Variants in ECT2L observed in about 807,000 individuals in gnomAD.
The protein encoded by ECT2L is epithelial cell transforming 2 like, also known as epithelial cell-transforming sequence 2 oncogene-like.
Under a neutral mutation model 122.8 loss-of-function variants are expected in ECT2L, and 126 were observed. The observed-to-expected ratio is 1.03, with a 90% CI of 0.89 to 1.19. The LOEUF (loss-of-function observed/expected upper bound fraction) is 1.19, where lower values mean the gene tolerates loss of function less well. Among genes scored for constraint, ECT2L ranks in the 50% most tolerant of loss-of-function variants. The pLI is 0.00. For synonymous variants in ECT2L, 385 were observed against 381.8 expected (o/e 1.01, Z -0.10); for missense variants, 1,012 against 1,064.1 (o/e 0.95, Z 0.68).
chr6:138,876,618 C>T, intron 14 of ECT2L, 60 bp downstream of exon 14: 1 of 1,104,164 alleles, frequency 9.1e-7, no homozygotes, highest in African/African-American at 1.6e-5. Flanking sequence ...GAAATTTCAG[C>T]CTTTATTCTG....
intron 20 of ECT2L, among the ~76,000 whole-genome samples, chr6:138,900,677 C>T (rs551527137): frequency 2.0e-5 from 3 of 152,248 alleles, no homozygotes; most frequent in Admixed American, 6.5e-5. Flanking sequence ...TCATTTTTCC[C>T]GCAAGGATTA....
chr6:138,853,860 G>C (rs985473951), intron 9 of ECT2L, among the ~76,000 whole-genome samples, 166 bp from the exon 10 acceptor site: 1 of 152,200 alleles, frequency 6.6e-6, no homozygotes, highest in Admixed American at 6.5e-5. Flanking sequence ...CAGGACCATG[G>C]AGATGGCTCC....
chr6:138,887,655 C>A (rs1328334714), intron 19 of ECT2L, among the ~76,000 whole-genome samples: 1 of 152,174 alleles, frequency 6.6e-6, no homozygotes, highest in Non-Finnish European at 1.5e-5. Flanking sequence ...TCTGGCCCCA[C>A]CCTCCCTTAT....
At chr6:138,839,229 C>T (rs181518671) in intron 5 of ECT2L, among the ~76,000 whole-genome samples, 1 of 152,336 alleles carries the variant, frequency 6.6e-6, no homozygotes, top group Admixed American at 6.5e-5. Context: ...ACATTGAGAT[C>T]TGTCAACAGC....
In ECT2L at chr6:138,889,012, G is replaced by C; in HGVS notation, c.2395G>C (p.Glu799Gln). ...DVAQLHCCDE[E>Q]ISFSLRLYEH... is the part of the protein sequence containing the mutation. ...AGCCCAACTTCATTGCTGTGATGAA[G>C]AAATAAGTTTCTCTTTAAGGTAAAC... Residue 799 changes from glutamate to glutamine, a missense_variant, in exon 20 of 22, where the codon GAA (glutamate) becomes CAA (glutamine). Physicochemically the swap from Glu to Gln is conservative, Grantham distance 29. Coordinates refer to ENST00000541398, the MANE Select transcript of ECT2L (RefSeq NM_001077706.3). 1.3e-6 allele frequency: 2 copies of C among 1,549,084 alleles called. No homozygotes were observed. Among genetic ancestry groups the C allele is most frequent in the Middle Eastern group, 3.4e-4 (2 of 5,836 alleles).
chr6:138,868,563 T>C (rs1778133052), intron 13 of ECT2L, among the ~76,000 whole-genome samples: 1 of 152,052 alleles, frequency 6.6e-6, no homozygotes, highest in East Asian at 1.9e-4. Context: ...ATTCCTAGTT[T>C]CAGGAGAAAT....
intron 4 of ECT2L, among the ~76,000 whole-genome samples, chr6:138,832,385 G>A (rs1776676392): frequency 6.6e-6 from 1 of 152,132 alleles, no homozygotes; most frequent in Admixed American, 6.5e-5. Context: ...TTTCCAAAGG[G>A]AGGATAACTG....
At chr6:138,801,953 T>C (rs547158489) in intron 1 of ECT2L, among the ~76,000 whole-genome samples, 1 of 152,354 alleles carries the variant, frequency 6.6e-6, no homozygotes, top group African/African-American at 2.4e-5. Flanking sequence ...GCCTGCTGAC[T>C]GTGTTTGCTA....
At chr6:138,839,001 C>A (rs1487804651) in intron 5 of ECT2L, among the ~76,000 whole-genome samples, 1 of 152,168 alleles carries the variant, frequency 6.6e-6, no homozygotes, top group Non-Finnish European at 1.5e-5. Flanking sequence ...AGGCTTGTCT[C>A]GCACTCCTGA....
rs771506919 is a variant in ECT2L at position 138,844,429 on chromosome 6, C to G, written c.613C>G (p.Arg205Gly). The change falls in exon 7 of 22, where the codon CGA becomes GGA. Residue 205 changes from arginine (R) to glycine (G), a missense_variant. By Grantham distance (125) the Arg-to-Gly change is moderately radical. Coordinates refer to ENST00000541398, the MANE Select transcript of ECT2L (RefSeq NM_001077706.3). ...TTTTTCAGAGGAGTTATTCAAAGTT[C>G]GACCCCCTTGGGTGAGTGGAACTTG... ...ALRKKELFKVRPPWVSGTCCS... is the reference protein window; with the variant it reads ...ALRKKELFKVGPPWVSGTCCS... 6.2e-7 allele frequency: 1 copy of G among 1,613,676 alleles called. No individual in the cohort carries two copies. Among genetic ancestry groups the G allele is most frequent in the African/African-American group, 1.3e-5 (1 of 74,922 alleles).
intron 13 of ECT2L, among the ~76,000 whole-genome samples, chr6:138,873,454 G>A (rs1394300496): frequency 6.6e-6 from 1 of 152,188 alleles, no homozygotes; most frequent in Non-Finnish European, 1.5e-5. Flanking sequence ...GAAGCCTCAG[G>A]AGACAAAGGA....
intron 20 of ECT2L, among the ~76,000 whole-genome samples, chr6:138,899,716 G>A (rs907703524): frequency 2.6e-5 from 4 of 152,120 alleles, no homozygotes; most frequent in African/African-American, 9.7e-5. Context: ...ACTCTTCATT[G>A]GAGTAACTTC....
intron 13 of ECT2L, among the ~76,000 whole-genome samples, chr6:138,872,183 C>G (rs1004814060): frequency 6.6e-6 from 1 of 152,176 alleles, no homozygotes; most frequent in African/African-American, 2.4e-5. Context: ...TATCTAAGCC[C>G]TTTACAGGTT....
At chr6:138,878,257 G>T (rs760713749) in intron 14 of ECT2L, among the ~76,000 whole-genome samples, 4 of 151,704 alleles carry the variant, frequency 2.6e-5, no homozygotes, top group Non-Finnish European at 5.9e-5. Context: ...AAAAACATGA[G>T]AATTCTCCAA....
At chr6:138,877,413 C>T (rs1778490764) in intron 14 of ECT2L, among the ~76,000 whole-genome samples, 1 of 152,122 alleles carries the variant, frequency 6.6e-6, no homozygotes, top group Non-Finnish European at 1.5e-5. Context: ...AATAATACCT[C>T]ATAGTGGTTT....
chr6:138,811,013 G>T (rs892784923), intron 1 of ECT2L, among the ~76,000 whole-genome samples: 2 of 152,218 alleles, frequency 1.3e-5, no homozygotes, highest in Non-Finnish European at 2.9e-5. Flanking sequence ...TACTATGCAT[G>T]CTGTCATCTA....
intron 14 of ECT2L, among the ~76,000 whole-genome samples, chr6:138,878,403 C>G (rs1427027284): frequency 6.6e-6 from 1 of 151,924 alleles, no homozygotes; most frequent in African/African-American, 2.4e-5. Context: ...ATAAAGATAA[C>G]TGCTGAATGA....
chr6:138,853,627 C>A (rs906829344), intron 9 of ECT2L, among the ~76,000 whole-genome samples: 1 of 152,144 alleles, frequency 6.6e-6, no homozygotes, highest in African/African-American at 2.4e-5. Context: ...TGTTTACCAT[C>A]TCTGGGAGCC....
At position 138,849,545 on chromosome 6, in the gene ECT2L, A is replaced by AT. The variant is rs1362326746; in HGVS notation, c.1069+117dup. The AT allele has an allele frequency of 4.4e-6, 4 of 899,630 alleles. No homozygotes were observed. In the African/African-American group the frequency reaches 5.5e-5, roughly 12 times the overall value. 55.7% of individuals were successfully genotyped at this position (899,630 alleles called of 1,614,324 possible). On this transcript the variant is annotated intron_variant, in intron 9 of 21. Transcript: ENST00000541398. The stretch of plus-strand genomic sequence containing the variant: ...AGTTCCAAGTTGCTAAGACGTGTTG[A>AT]TTTTTTGGCTTTATGAAAAAAGCGA...
Sources: gnomAD v4.1 joint callset for allele counts (sites outside exome capture counted in the v4.1 genomes callset) on GRCh38, gnomAD v4.1.1 for gene constraint, MANE v1.5 for transcripts, NCBI Gene and HGNC (gene_info 2026-07-23, HGNC 2026-07-21) for gene names.